Variants in NBAS observed in about 807,000 individuals in gnomAD.
The protein encoded by NBAS is NBAS subunit of NRZ tethering complex.
Under a neutral mutation model 302.5 loss-of-function variants are expected in NBAS, and 219 were observed. The observed-to-expected ratio is 0.72, with a 90% CI of 0.65 to 0.81. The LOEUF is 0.81. Among genes scored for constraint, NBAS ranks in the 30% least tolerant of loss-of-function variants. The pLI, the probability that NBAS is intolerant of heterozygous loss-of-function variation, is 0.00. For missense variants in NBAS, 2,932 were observed against 2,841.6 expected (o/e 1.03, Z -0.72); for synonymous variants, 1,118 against 1,021.6 (o/e 1.09, Z -1.80).
At chr2:15,360,339 AAAAAAAAC>A (rs1044987399) in intron 32 of NBAS, among the ~76,000 whole-genome samples, 3 of 118,310 alleles carry the variant, frequency 2.5e-5, no homozygotes, top group Non-Finnish European at 4.2e-5. Context: ...TTAAAAAAAA[AAAAAAAAC>A]AAAACAAAAC....
At chr2:15,404,527 T>A (rs901845590) in intron 25 of NBAS, among the ~76,000 whole-genome samples, 35 of 151,818 alleles carry the variant, frequency 2.3e-4, no homozygotes, top group East Asian at 1.4e-3. Flanking sequence ...TTTTTTTTTA[T>A]TTTGAGACAG....
the NBAS span, among the ~76,000 whole-genome samples, chr2:15,008,092 C>CT: frequency 1.3e-5 from 2 of 152,228 alleles, no homozygotes; most frequent in African/African-American, 4.8e-5. Context: ...ATGGCAACAA[C>CT]TTCCAACAGT....
the NBAS span, among the ~76,000 whole-genome samples, chr2:14,780,003 C>T: frequency 2.4e-4 from 37 of 152,182 alleles, no homozygotes; most frequent in African/African-American, 8.7e-4. Flanking sequence ...AGGTGCTAGT[C>T]CCTGGGACCC....
the NBAS span, among the ~76,000 whole-genome samples, chr2:14,820,669 G>A: frequency 6.6e-6 from 1 of 152,188 alleles, no homozygotes; most frequent in East Asian, 1.9e-4. Flanking sequence ...AACTTAAAGA[G>A]TATAAATTCC....
At chr2:15,309,023 A>T in intron 39 of NBAS, 148 bp downstream of exon 39, 1 of 334,508 alleles carries the variant, frequency 3.0e-6, no homozygotes, top group Non-Finnish European at 5.0e-6. Context: ...GTATAATAAT[A>T]AATACATAAA....
At chr2:15,093,196 ACT>A in the NBAS span, among the ~76,000 whole-genome samples, 1 of 152,274 alleles carries the variant, frequency 6.6e-6, no homozygotes, top group South Asian at 2.1e-4. Flanking sequence ...CGGGCAGATC[ACT>A]TGAGCTCAGG....
At chr2:15,213,593 T>TTTAGAACCATA (rs1191080287) in intron 48 of NBAS, among the ~76,000 whole-genome samples, 1 of 152,172 alleles carries the variant, frequency 6.6e-6, no homozygotes, top group Non-Finnish European at 1.5e-5. Context: ...GAATATAGGT[T>TTTAGAACCATA]TTAGAACCAG....
chr2:15,070,826 G>A, the NBAS span, among the ~76,000 whole-genome samples: 2 of 120,702 alleles, frequency 1.7e-5, no homozygotes, highest in African/African-American at 5.0e-5. Context: ...AAACATAAAA[G>A]TACAGTTTCT....
intron 21 of NBAS, among the ~76,000 whole-genome samples, chr2:15,442,405 G>A (rs1476953374): frequency 1.3e-5 from 2 of 151,178 alleles, no homozygotes; most frequent in African/African-American, 2.4e-5. Context: ...AATGACTACT[G>A]GGTACATAAC....
rs1413968104 is a variant in NBAS, at chr2:15,473,270, C to T, written c.1677G>A (p.Arg559=). The change falls in exon 16 of 52, where the codon AGG becomes AGA. Residue 559 remains arginine, a synonymous_variant. Transcript: ENST00000281513. ...CGTTGACCGCTGACTTCCTCCACTG[C>T]CTCTGATATACAAGGTCAGTATCCA... is the stretch of plus-strand genomic sequence containing the variant. ...YGLDTDLVYQ[R]QWRKSAVNVA... 1 of 1,614,100 alleles carries T rather than the reference C, an allele frequency of 6.2e-7. No homozygotes were observed. The highest frequency in any genetic ancestry group is 8.5e-7 in the Non-Finnish European group (1 of 1,179,962).
chr2:15,490,256 A>G (rs1680800075), intron 11 of NBAS, among the ~76,000 whole-genome samples: 2 of 152,186 alleles, frequency 1.3e-5, no homozygotes, highest in African/African-American at 4.8e-5. Context: ...TTAGCCATCA[A>G]AACCAGAACA....
chr2:15,216,436 T>C (rs1666658380), intron 48 of NBAS, among the ~76,000 whole-genome samples: 1 of 152,248 alleles, frequency 6.6e-6, no homozygotes. Flanking sequence ...CAGATACACA[T>C]GGATTTGGCA....
At chr2:15,458,849 C>A (rs1292526795) in intron 21 of NBAS, among the ~76,000 whole-genome samples, 2 of 140,378 alleles carry the variant, frequency 1.4e-5, no homozygotes, top group Non-Finnish European at 3.1e-5. Context: ...TAAAAAAACT[C>A]TATTTTTTCC....
intron 38 of NBAS, among the ~76,000 whole-genome samples, chr2:15,318,874 G>C (rs1671648412): frequency 1.3e-5 from 2 of 152,144 alleles, no homozygotes. Flanking sequence ...TCCAGGACTT[G>C]AAATCAGCTC....
In NBAS at chr2:15,195,195, G is replaced by C. The variant is rs1294300575; in HGVS notation, c.6433-4792C>G. 4.6e-5 allele frequency among the ~76,000 whole-genome samples: 7 copies of C among 152,162 alleles called. No homozygotes were observed. The South Asian group carries it at 1.2e-3, about 27-fold the overall frequency. On this transcript the variant is annotated intron_variant, in intron 48 of 51. Transcript: ENST00000281513. ...CATGTTGAAATTTAATTGCCACTGT[G>C]ATAGGATTAAGAGATGAGATATTTA...
Position 15,424,377 on chromosome 2 carries a change from C to T in NBAS, c.2515G>A (p.Val839Met). Reference protein sequence around the residue: ...LLRFRMTQLTVEKVMDWYQTR... With the variant: ...LLRFRMTQLTMEKVMDWYQTR... Reference sequence around the variant, plus strand: ...TGATACCAGTCCATAACCTTCTCCACCGTAAGCTGGGTCATCCTGAACCTT... The same window carrying T: ...TGATACCAGTCCATAACCTTCTCCATCGTAAGCTGGGTCATCCTGAACCTT... Residue 839 changes from valine (V) to methionine (M), a missense_variant, in exon 23 of 52, where the codon GTG becomes ATG. Val to Met is a conservative substitution (Grantham distance 21). Coordinates refer to ENST00000281513, the MANE Select transcript of NBAS (RefSeq NM_015909.4). 1.2e-6 allele frequency: 2 copies of T among 1,614,128 alleles called. No homozygotes were observed. Among genetic ancestry groups the T allele is most frequent in the Admixed American group, 1.7e-5 (1 of 60,016 alleles).
chr2:15,492,370 C>T (rs1357805261), intron 11 of NBAS, among the ~76,000 whole-genome samples: 3 of 152,156 alleles, frequency 2.0e-5, no homozygotes, highest in Non-Finnish European at 2.9e-5. Context: ...TGTAGCCACT[C>T]AAGATTCTCA....
At chr2:15,438,483 T>C (rs73200628) in intron 21 of NBAS, among the ~76,000 whole-genome samples, 1,906 of 152,088 alleles carry the variant, frequency 0.013, 36 homozygotes, top group African/African-American at 0.043. Context: ...CAGTAATGAA[T>C]CTCTTGAATT....
chr2:15,531,285 C>T lies in NBAS; in HGVS notation c.746+3258G>A, dbSNP rs189236054. On this transcript the variant is annotated intron_variant, in intron 9 of 51. Coordinates refer to ENST00000281513, the MANE Select transcript of NBAS (RefSeq NM_015909.4). ...AATAGGGAAGCCATCTTCTGGATAA[C>T]GGTGAAGTGAAATTCCAAGACAATA... is the stretch of plus-strand genomic sequence containing the variant. 7.6e-4 allele frequency among the ~76,000 whole-genome samples: 116 copies of T among 152,256 alleles called. 2 individuals carry two copies. Among genetic ancestry groups the T allele is most frequent in the Admixed American group, 6.1e-3 (93 of 15,286 alleles).
Sources: allele counts gnomAD v4.1 joint callset (sites outside exome capture counted in the v4.1 genomes callset), GRCh38; gene constraint gnomAD v4.1.1; transcripts MANE v1.5; gene names NCBI Gene and HGNC (gene_info 2026-07-23, HGNC 2026-07-21).